The following HPSE2 variants were observed in gnomAD, a reference collection of about 807,000 sequenced individuals.
HPSE2 encodes heparanase 2 (inactive).
Under a neutral mutation model 60.5 loss-of-function variants are expected in HPSE2, and 38 were observed. The ratio of observed to expected loss-of-function variants is 0.63; its 90% CI spans 0.48 to 0.82. The LOEUF (loss-of-function observed/expected upper bound fraction) is 0.82. HPSE2 is among the 40% of genes least tolerant of loss of function. The pLI is 0.00. For synonymous variants in HPSE2, 295 were observed against 293.2 expected (o/e 1.01, Z -0.06); for missense variants, 713 against 740.4 (o/e 0.96, Z 0.43).
At position 99,126,772 on chromosome 10, in the gene HPSE2, C is replaced by T. The variant is rs1048281570; in HGVS notation, c.610+17466G>A. On this transcript the variant is annotated intron_variant, in intron 3 of 11. Coordinates refer to ENST00000370552, the MANE Select transcript of HPSE2 (RefSeq NM_021828.5). The surrounding 1 kb of genome is among the most constrained non-coding windows in gnomAD (Gnocchi z 4.0). Reference sequence around the variant, plus strand: ...TACTCCCCTGCCACCTCCACCACAGCAGACACTAGTATCCATGGCTGAGAC... The same window carrying T: ...TACTCCCCTGCCACCTCCACCACAGTAGACACTAGTATCCATGGCTGAGAC... Among the ~76,000 whole-genome samples, 4 of 152,220 alleles carry T rather than the reference C, an allele frequency of 2.6e-5. No individual in the cohort carries two copies. Among genetic ancestry groups the T allele is most frequent in the Non-Finnish European group, 5.9e-5 (4 of 68,032 alleles).
At chr10:98,586,866 A>G (rs897995484) in intron 9 of HPSE2, among the ~76,000 whole-genome samples, 2 of 152,198 alleles carry the variant, frequency 1.3e-5, no homozygotes, top group African/African-American at 4.8e-5. Context: ...ACATTGGCGC[A>G]GAGGAATAAT....
At chr10:98,572,076 G>T (rs1206838003) in intron 9 of HPSE2, among the ~76,000 whole-genome samples, 4 of 151,888 alleles carry the variant, frequency 2.6e-5, no homozygotes, top group Non-Finnish European at 5.9e-5. Flanking sequence ...AAGTAGCTGG[G>T]ATTACAGGTG....
the HPSE2 span, among the ~76,000 whole-genome samples, chr10:99,275,069 G>C: frequency 6.6e-6 from 1 of 152,172 alleles, no homozygotes; most frequent in Non-Finnish European, 1.5e-5. Flanking sequence ...GGCTCCTGCA[G>C]GGCCAGAGAA....
chr10:99,047,995 T>C lies in HPSE2; in HGVS notation c.610+96243A>G, dbSNP rs542231754. The C allele has an allele frequency of 2.7e-4, 190 of 703,016 alleles. 2 individuals are homozygous for C. Among genetic ancestry groups the C allele is most frequent in the South Asian group, 2.5e-3 (169 of 67,636 alleles). 43.5% of individuals were successfully genotyped at this position (703,016 alleles called of 1,614,324 possible). A position where few individuals can be genotyped will look rare whatever the true frequency, so the allele number is the denominator to read the frequency against. On this transcript the variant is annotated intron_variant, in intron 3 of 11. Transcript: ENST00000370552. ...TTCTTTGCCTTCATCAAGTCTTCAA[T>C]GAAACCTTTGCGAAGCTCAACAAGG... is the stretch of plus-strand genomic sequence containing the variant.
At chr10:99,219,852 T>C (rs900928406) in intron 2 of HPSE2, among the ~76,000 whole-genome samples, 5 of 152,228 alleles carry the variant, frequency 3.3e-5, no homozygotes, top group Non-Finnish European at 2.9e-5. Flanking sequence ...CTTTAGTCTG[T>C]TTCTAACTAA....
intron 8 of HPSE2, 44 bp from the exon 9 acceptor site, chr10:98,615,062 T>C (rs1427576888): frequency 3.5e-6 from 5 of 1,408,856 alleles, no homozygotes; most frequent in African/African-American, 1.4e-5. Flanking sequence ...ATTTTTTAAA[T>C]GGCATATAAC....
At chr10:99,234,970 C>T (rs958202275) in intron 1 of HPSE2, among the ~76,000 whole-genome samples, 1 of 152,262 alleles carries the variant, frequency 6.6e-6, no homozygotes, top group East Asian at 1.9e-4. Context: ...AACTTGCCCA[C>T]CACTCAAGCC....
intron 3 of HPSE2, among the ~76,000 whole-genome samples, chr10:98,835,556 G>C (rs1467513011): frequency 6.6e-6 from 1 of 151,962 alleles, no homozygotes; most frequent in African/African-American, 2.4e-5. Context: ...CCTAAGTGCT[G>C]GTTATAAAGG....
chr10:98,944,201 A>G (rs1386631381), intron 3 of HPSE2, among the ~76,000 whole-genome samples: 5 of 152,130 alleles, frequency 3.3e-5, no homozygotes, highest in East Asian at 1.9e-4. Flanking sequence ...ACATGAGTCC[A>G]TAAGTGCCCA....
chr10:98,574,745 C>T (rs943294865), intron 9 of HPSE2, among the ~76,000 whole-genome samples: 1 of 152,090 alleles, frequency 6.6e-6, no homozygotes, highest in Non-Finnish European at 1.5e-5. Flanking sequence ...TCATTTCCTA[C>T]TAATTTAAAG....
chr10:98,823,065 G>T (rs1483969033), intron 3 of HPSE2, among the ~76,000 whole-genome samples: 1 of 152,182 alleles, frequency 6.6e-6, no homozygotes, highest in East Asian at 1.9e-4. Flanking sequence ...GAGAGAAAGA[G>T]ATTTGAATAT....
At chr10:99,137,212 C>T (rs1168882548) in intron 3 of HPSE2, among the ~76,000 whole-genome samples, 1 of 152,156 alleles carries the variant, frequency 6.6e-6, no homozygotes, top group Non-Finnish European at 1.5e-5. Flanking sequence ...TCAAGGAGAA[C>T]TACAAACCAC....
intron 9 of HPSE2, among the ~76,000 whole-genome samples, chr10:98,585,416 T>C (rs1394671038): frequency 6.6e-6 from 1 of 151,316 alleles, no homozygotes; most frequent in Non-Finnish European, 1.5e-5. Flanking sequence ...GGATTACAGG[T>C]GTGCGCCACC....
intron 3 of HPSE2, among the ~76,000 whole-genome samples, chr10:98,789,219 A>T (rs1950602597): frequency 6.6e-6 from 1 of 152,192 alleles, no homozygotes; most frequent in African/African-American, 2.4e-5. Flanking sequence ...AGCTGTGTGT[A>T]AAAAATGGTC....
At chr10:99,209,087 G>C (rs1306611016) in intron 2 of HPSE2, among the ~76,000 whole-genome samples, 1 of 152,134 alleles carries the variant, frequency 6.6e-6, no homozygotes, top group South Asian at 2.1e-4. Context: ...CGATTATCCA[G>C]AGAGAAAATT....
intron 10 of HPSE2, among the ~76,000 whole-genome samples, chr10:98,488,272 G>GT (rs1484207302): frequency 6.6e-6 from 1 of 152,190 alleles, no homozygotes; most frequent in African/African-American, 2.4e-5. Context: ...TCTGGCTGAT[G>GT]TCGTAATATC....
chr10:99,116,742 A>C (rs1311188135), intron 3 of HPSE2, among the ~76,000 whole-genome samples: 3 of 152,208 alleles, frequency 2.0e-5, no homozygotes, highest in African/African-American at 7.2e-5. Context: ...CACAAAAAGA[A>C]AAAAGTACTG....
chr10:98,794,747 C>T (rs554378237), intron 3 of HPSE2, among the ~76,000 whole-genome samples: 56 of 152,020 alleles, frequency 3.7e-4, no homozygotes, highest in Non-Finnish European at 3.8e-4. Context: ...AGGAGAGGTA[C>T]AGAGTGTCAC....
chr10:99,222,034 T>A (rs181717326), intron 2 of HPSE2, among the ~76,000 whole-genome samples: 1 of 152,166 alleles, frequency 6.6e-6, no homozygotes, highest in African/African-American at 2.4e-5. Flanking sequence ...CCAAACCAGA[T>A]GAAAACAGTC....
Sources: gnomAD v4.1 joint callset for allele counts (sites outside exome capture counted in the v4.1 genomes callset) on GRCh38, gnomAD v4.1.1 for gene constraint, Gnocchi (gnomAD v3.1) non-coding constraint, MANE v1.5 for transcripts, NCBI Gene and HGNC (gene_info 2026-07-23, HGNC 2026-07-21) for gene names.